CPEB2: variants seen among roughly 807,000 people sequenced by gnomAD.
CPEB2 encodes the protein cytoplasmic polyadenylation element binding protein 2, also known as cytoplasmic polyadenylation element-binding protein 2.
A neutral mutation model predicts 93.6 loss-of-function variants in CPEB2; 56 were observed. The ratio of observed to expected loss-of-function variants is 0.60; its 90% CI spans 0.48 to 0.75. The LOEUF (loss-of-function observed/expected upper bound fraction) is 0.75. CPEB2 is among the 30% of genes least tolerant of loss of function. The pLI is 0.00. For missense variants in CPEB2, 1,579 were observed against 1,395.1 expected (o/e 1.13, Z -2.10); for synonymous variants, 764 against 586.3 (o/e 1.30, Z -4.38).
rs373559194 is a variant in CPEB2 at position 15,003,975 on chromosome 4, G to A, written c.1302G>A (p.Ser434=). 5.7e-4 allele frequency: 817 copies of A among 1,432,516 alleles called. 9 individuals carry two copies. The African/African-American group carries it at 0.011, about 20-fold the overall frequency. 88.7% of individuals were successfully genotyped at this position (1,432,516 alleles called of 1,614,324 possible). The part of the protein sequence containing the change: ...ATTPGGGSGG[S]LSAMPPPSPD... ...CCCCGGGCGGCGGCAGCGGCGGCTC[G>A]CTCAGCGCCATGCCGCCGCCCAGCC... Residue 434 remains serine, a synonymous_variant, in exon 1 of 12, where the codon TCG becomes TCA. Coordinates refer to ENST00000538197, the MANE Select transcript of CPEB2 (RefSeq NM_001177382.2).
At position 15,003,972 on chromosome 4, in the gene CPEB2, C is replaced by G. The variant is rs770226810; in HGVS notation, c.1299C>G (p.Gly433=). The G allele has an allele frequency of 1.4e-6, 2 of 1,386,928 alleles. No homozygotes were observed. The highest frequency in any genetic ancestry group is 1.9e-6 in the Non-Finnish European group (2 of 1,068,436). 85.9% of individuals were successfully genotyped at this position (1,386,928 alleles called of 1,614,324 possible). Residue 433 remains glycine, a synonymous_variant, in exon 1 of 12, where the codon GGC becomes GGG. Coordinates refer to ENST00000538197, the MANE Select transcript of CPEB2 (RefSeq NM_001177382.2). The part of the protein sequence containing the change: ...SATTPGGGSG[G]SLSAMPPPSP... ...CCACCCCGGGCGGCGGCAGCGGCGG[C>G]TCGCTCAGCGCCATGCCGCCGCCCA... is the stretch of plus-strand genomic sequence containing the variant.
rs770167620 is a variant in CPEB2 at position 15,066,140 on chromosome 4, C to CT, written c.2878-5dup. 17 of 1,602,740 alleles carry CT rather than the reference C, an allele frequency of 1.1e-5. No homozygotes were observed. The highest frequency in any genetic ancestry group is 1.7e-4 in the Middle Eastern group (1 of 6,026). On this transcript the variant is annotated splice_polypyrimidine_tract_variant and intron_variant, in intron 11 of 11. Transcript: ENST00000538197. The stretch of plus-strand genomic sequence containing the variant: ...GCAGACCCTAATGAGACTTAACTTT[C>CT]TTTTTTTTCAAGGTGGAGGTAAAGC...
At chr4:15,059,166 C>A in intron 9 of CPEB2, 21 bp from the exon 10 acceptor site, 2 of 1,416,530 alleles carry the variant, frequency 1.4e-6, no homozygotes, top group Non-Finnish European at 2.0e-6. Context: ...GGAGTAAGAC[C>A]CAATGTAATT....
chr4:15,015,692 C>T (rs1370259414), intron 3 of CPEB2, among the ~76,000 whole-genome samples: 1 of 151,802 alleles, frequency 6.6e-6, no homozygotes, highest in Non-Finnish European at 1.5e-5. Flanking sequence ...ACCTTTTCTT[C>T]GGGAAAAAAA....
At chr4:15,022,481 T>C (rs1272471633) in intron 4 of CPEB2, among the ~76,000 whole-genome samples, 4 of 152,078 alleles carry the variant, frequency 2.6e-5, no homozygotes, top group Non-Finnish European at 5.9e-5. Flanking sequence ...AAATCACATA[T>C]ATTAGATACA....
chr4:15,041,466 G>A (rs959948924), intron 6 of CPEB2, among the ~76,000 whole-genome samples: 4 of 151,346 alleles, frequency 2.6e-5, no homozygotes, highest in African/African-American at 4.9e-5. Context: ...GCAGTGGCGC[G>A]ATCTCGGCTC....
At chr4:15,007,156 C>G in intron 1 of CPEB2, 149 bp from the exon 2 acceptor site, 1 of 594,642 alleles carries the variant, frequency 1.7e-6, no homozygotes. Context: ...AGAAAGATCT[C>G]AAGACTGTTA....
rs1463716914 is a variant in CPEB2, at chr4:15,003,982, G to C, written c.1309G>C (p.Ala437Pro). Reference protein sequence around the residue: ...PGGGSGGSLSAMPPPSPDSEN... With the variant: ...PGGGSGGSLSPMPPPSPDSEN... ...CGGCGGCAGCGGCGGCTCGCTCAGC[G>C]CCATGCCGCCGCCCAGCCCCGACTC... is the stretch of plus-strand genomic sequence containing the variant. The change falls in exon 1 of 12, where the codon GCC becomes CCC. Residue 437 changes from alanine (A) to proline (P), a missense_variant. Coordinates refer to ENST00000538197, the MANE Select transcript of CPEB2 (RefSeq NM_001177382.2). 1.4e-6 allele frequency: 2 copies of C among 1,467,794 alleles called. No individual in the cohort carries two copies. The highest frequency in any genetic ancestry group is 1.8e-6 in the Non-Finnish European group (2 of 1,107,294). 90.9% of individuals were successfully genotyped at this position (1,467,794 alleles called of 1,614,324 possible).
chr4:15,005,233 T>C (rs751632090), intron 1 of CPEB2: 4 of 152,240 alleles, frequency 2.6e-5, no homozygotes, highest in Non-Finnish European at 5.9e-5. Context: ...TTCTGTGCTT[T>C]TCAATGTTGG....
intron 3 of CPEB2, 68 bp from the exon 4 acceptor site, chr4:15,017,120 A>G (rs1484257392): frequency 1.2e-6 from 1 of 804,632 alleles, no homozygotes; most frequent in Non-Finnish European, 2.1e-6. Flanking sequence ...GAATTTAGAT[A>G]GTGTTTTATA....
intron 11 of CPEB2, among the ~76,000 whole-genome samples, chr4:15,064,078 T>C (rs1729463786): frequency 6.6e-6 from 1 of 152,110 alleles, no homozygotes; most frequent in East Asian, 1.9e-4. Context: ...GGGATACTTA[T>C]TTGGCGGGAA....
chr4:15,002,890 G>T lies in CPEB2; in HGVS notation c.217G>T (p.Ala73Ser), dbSNP rs1437183829. The T allele has an allele frequency of 6.6e-7, 1 of 1,514,122 alleles. No individual in the cohort carries two copies. Among genetic ancestry groups the T allele is most frequent in the Admixed American group, 2.3e-5 (1 of 44,418 alleles). 93.8% of individuals were successfully genotyped at this position (1,514,122 alleles called of 1,614,324 possible). A position where few individuals can be genotyped will look rare whatever the true frequency, so the allele number is the denominator to read the frequency against. The change falls in exon 1 of 12, where the codon GCG becomes TCG. Residue 73 changes from alanine to serine, a missense_variant. Coordinates refer to ENST00000538197, the MANE Select transcript of CPEB2 (RefSeq NM_001177382.2). ...CTTCTCCGTCCCCCTCGGCGGCGGC[G>T]CGGGCAGCCCGGCCGCCGCCGCTTC... ...SPFSVPLGGG[A>S]GSPAAAASSS...
At chr4:15,046,960 A>C (rs1201344269) in intron 6 of CPEB2, among the ~76,000 whole-genome samples, 1 of 152,054 alleles carries the variant, frequency 6.6e-6, no homozygotes, top group Non-Finnish European at 1.5e-5. Flanking sequence ...TCTTGGATTT[A>C]TTTTTCAGTA....
At chr4:15,053,764 T>C (rs1577456627) in intron 7 of CPEB2, among the ~76,000 whole-genome samples, 2 of 152,212 alleles carry the variant, frequency 1.3e-5, no homozygotes, top group Admixed American at 1.3e-4. Flanking sequence ...ATGATTTTAT[T>C]TGTGAAGCAG....
chr4:15,007,166 A>G (rs931360548), intron 1 of CPEB2, 139 bp from the exon 2 acceptor site: 6 of 642,612 alleles, frequency 9.3e-6, no homozygotes, highest in African/African-American at 7.5e-5. Flanking sequence ...CAAGACTGTT[A>G]CTTTTATAAC....
chr4:15,062,678 T>G (rs1468946562), intron 11 of CPEB2, among the ~76,000 whole-genome samples: 1 of 152,144 alleles, frequency 6.6e-6, no homozygotes. Context: ...TTTTGAGGAT[T>G]AAATGAATTT....
rs1337236416 is a variant in CPEB2, at chr4:15,003,729, C to G, written c.1056C>G (p.Gly352=). ...LQSPDLPHPG[G]GGGGGGGGPP... ...GCCCGGACCTTCCACACCCGGGCGG[C>G]GGCGGCGGCGGCGGGGGCGGGGGGC... The change falls in exon 1 of 12, where the codon GGC becomes GGG. Residue 352 remains glycine (G), a synonymous_variant. Transcript: ENST00000538197. 8.3e-7 allele frequency: 1 copy of G among 1,209,192 alleles called. No individual in the cohort carries two copies. Among genetic ancestry groups the G allele is most frequent in the Non-Finnish European group, 1.0e-6 (1 of 972,688 alleles). The allele number at this position is 1,209,192 out of a possible 1,614,324, so 74.9% of individuals were successfully genotyped here.
chr4:15,051,808 C>A (rs1241557980), intron 6 of CPEB2, among the ~76,000 whole-genome samples: 1 of 152,168 alleles, frequency 6.6e-6, no homozygotes, highest in African/African-American at 2.4e-5. Context: ...GCAGGATGTG[C>A]CCTATATAAG....
At chr4:15,024,065 G>A (rs1276291405) in intron 4 of CPEB2, among the ~76,000 whole-genome samples, 1 of 151,852 alleles carries the variant, frequency 6.6e-6, no homozygotes, top group Admixed American at 6.6e-5. Context: ...AGTTTTCTAA[G>A]TATTTATCAT....
Sources: allele counts gnomAD v4.1 joint callset (sites outside exome capture counted in the v4.1 genomes callset), GRCh38; gene constraint gnomAD v4.1.1; transcripts MANE v1.5; gene names NCBI Gene and HGNC (gene_info 2026-07-23, HGNC 2026-07-21).